Variants in SERPINA10 observed in about 807,000 individuals in gnomAD.
SERPINA10 encodes serpin family A member 10.
SERPINA10 carries 24 observed loss-of-function variants against 28.0 expected under a neutral mutation model. That is an observed-to-expected ratio of 0.86 (90% CI 0.62 to 1.20). The LOEUF (loss-of-function observed/expected upper bound fraction) is 1.20, where lower values mean the gene tolerates loss of function less well. Ranked by LOEUF, SERPINA10 falls within the 50% of genes most tolerant of loss-of-function variation. The probability of loss-of-function intolerance (pLI) is 0.00; values close to 1 mark genes in which losing one functional copy is unlikely to be tolerated. For synonymous variants in SERPINA10, 207 were observed against 203.9 expected, an observed-to-expected ratio of 1.02 and a Z score of -0.13; for missense variants, 521 against 537.7, an observed-to-expected ratio of 0.97 and a Z score of 0.31.
At chr14:94,286,801 TGAG>T (rs1334065130) in intron 3 of SERPINA10, among the ~76,000 whole-genome samples, 1 of 152,220 alleles carries the variant, frequency 6.6e-6, no homozygotes, top group African/African-American at 2.4e-5. Context: ...TAAAAATAAT[TGAG>T]GACATGACGT....
At chr14:94,284,232 C>A in intron 4 of SERPINA10, 76 bp from the exon 5 acceptor site, 1 of 1,313,000 alleles carries the variant, frequency 7.6e-7, no homozygotes, top group Non-Finnish European at 1.1e-6. Flanking sequence ...CCTTGAAATT[C>A]TTCACAGTGG....
At chr14:94,289,260 G>A (rs1329285257) in intron 2 of SERPINA10, among the ~76,000 whole-genome samples, 1 of 152,226 alleles carries the variant, frequency 6.6e-6, no homozygotes, top group Non-Finnish European at 1.5e-5. Flanking sequence ...CAGGGGGTCA[G>A]GAGGCCCTTG....
chr14:94,289,597 C>A (rs968666695), intron 2 of SERPINA10, among the ~76,000 whole-genome samples: 2 of 152,064 alleles, frequency 1.3e-5, no homozygotes, highest in Non-Finnish European at 2.9e-5. Context: ...CCCCCAGCCC[C>A]CTGTTTTTTG....
chr14:94,285,484 C>CATAT (rs749960575), intron 4 of SERPINA10, among the ~76,000 whole-genome samples: 4 of 148,324 alleles, frequency 2.7e-5, no homozygotes, highest in Middle Eastern at 7.2e-3. Context: ...TGTCTCTCTC[C>CATAT]ATATATATAT....
chr14:94,285,668 T>A (rs1245736519), intron 4 of SERPINA10, among the ~76,000 whole-genome samples: 2 of 151,920 alleles, frequency 1.3e-5, no homozygotes, highest in Admixed American at 1.3e-4. Context: ...ACTGGAAGCA[T>A]GAAGAGGAAG....
At chr14:94,289,446 T>A (rs1189093957) in intron 2 of SERPINA10, among the ~76,000 whole-genome samples, 1 of 152,252 alleles carries the variant, frequency 6.6e-6, no homozygotes, top group Admixed American at 6.5e-5. Flanking sequence ...CTGGGCACTT[T>A]ACATTCATTG....
rs1894883856 is a variant in SERPINA10, at chr14:94,280,947, G to C, written c.*3018C>G. The C allele has an allele frequency of 6.6e-6, 1 of 152,184 alleles. No homozygotes were observed. The highest frequency in any genetic ancestry group is 1.5e-5 in the Non-Finnish European group (1 of 68,034). The allele number at this position is 152,184 out of a possible 1,614,324, so 9.4% of individuals were successfully genotyped here. A position where few individuals can be genotyped will look rare whatever the true frequency, so the allele number is the denominator to read the frequency against. On this transcript the variant is annotated 3_prime_UTR_variant, in exon 5 of 5. Coordinates refer to ENST00000261994, the MANE Select transcript of SERPINA10 (RefSeq NM_001100607.3). ...AGCTTGAATATCTTAGTCTGGAGAT[G>C]AGTCAGTTTTGCCATACAATTAGTG...
At chr14:94,285,717 T>C (rs1895007548) in intron 4 of SERPINA10, among the ~76,000 whole-genome samples, 1 of 151,952 alleles carries the variant, frequency 6.6e-6, no homozygotes, top group African/African-American at 2.4e-5. Context: ...ATGGAGGGGA[T>C]TTCCACAAGG....
Position 94,286,198 on chromosome 14 carries a change from C to G in SERPINA10, c.1053G>C (p.Leu351=). 1.2e-6 allele frequency: 2 copies of G among 1,614,128 alleles called. No individual in the cohort carries two copies. Among genetic ancestry groups the G allele is most frequent in the East Asian group, 4.5e-5 (2 of 44,858 alleles). The change falls in exon 4 of 5, where the codon CTG becomes CTC. Residue 351 remains leucine (L), a synonymous_variant. Coordinates refer to ENST00000261994, the MANE Select transcript of SERPINA10 (RefSeq NM_001100607.3). ...TTCTTCTGATTCCCATCTGCCTAAG[C>G]AGCTCATGCATCTCATACTTCTGAT... The part of the protein sequence containing the change: ...KLDQKYEMHE[L]LRQMGIRRIF...
intron 2 of SERPINA10, among the ~76,000 whole-genome samples, chr14:94,288,880 G>A (rs374874700): frequency 9.2e-5 from 14 of 152,252 alleles, no homozygotes; most frequent in African/African-American, 3.4e-4. Flanking sequence ...GGACCTGAAC[G>A]GAATTCACAG....
chr14:94,290,774 G>A, intron 1 of SERPINA10, 131 bp from the exon 2 acceptor site: 6 of 964,950 alleles, frequency 6.2e-6, no homozygotes, highest in Non-Finnish European at 7.6e-6. Flanking sequence ...GGGAGACCTA[G>A]AGCAAGTGTG....
intron 1 of SERPINA10, among the ~76,000 whole-genome samples, chr14:94,291,730 T>C (rs1895182430): frequency 6.6e-6 from 1 of 152,196 alleles, no homozygotes; most frequent in Non-Finnish European, 1.5e-5. Context: ...CAGAGACCCT[T>C]ATTCTTGACC....
In SERPINA10 at chr14:94,290,533, CG is replaced by C. The variant is rs1418077589; in HGVS notation, c.60del (p.Gly21AlafsTer21). The C allele has an allele frequency of 2.5e-6, 4 of 1,612,700 alleles. No individual in the cohort carries two copies. Among genetic ancestry groups the C allele is most frequent in the Non-Finnish European group, 3.4e-6 (4 of 1,179,664 alleles). ...GGCGACTGAGGACTGGGGGCCAAGC[CG>C]GGTACCAGCCACACCTGTGCCAGGA... ...SVLLAQVWLV[P>X]GLAPSPQSPE... On this transcript the variant is annotated frameshift_variant, in exon 2 of 5. Transcript: ENST00000261994. LOFTEE classifies it high-confidence loss of function.
At chr14:94,288,703 T>C in intron 2 of SERPINA10, 144 bp from the exon 3 acceptor site, 2 of 1,174,852 alleles carry the variant, frequency 1.7e-6, no homozygotes, top group Non-Finnish European at 2.4e-6. Context: ...GTTCCCTAAT[T>C]GGGTTGGCTT....
chr14:94,292,927 G>T (rs1895215542), intron 1 of SERPINA10: 1 of 506,016 alleles, frequency 2.0e-6, no homozygotes, highest in African/African-American at 1.9e-5. Context: ...AGTGAGTGGT[G>T]GTGGGTGAAA....
In SERPINA10 at chr14:94,288,525, G is replaced by A. The variant is rs1566718798; in HGVS notation, c.753C>T (p.Thr251=). ...KWLTPFDPVF[T]EVDTFHLDKY... is the part of the protein sequence containing the mutation. ...TGTCCAGGTGGAAAGTGTCGACTTC[G>A]GTGAAGACAGGGTCAAATGGGGTCA... is the stretch of plus-strand genomic sequence containing the variant. Residue 251 remains threonine (T), a synonymous_variant, in exon 3 of 5, where the codon ACC becomes ACT. Transcript: ENST00000261994. The A allele has an allele frequency of 1.2e-5, 20 of 1,614,136 alleles. No individual in the cohort carries two copies. The highest frequency in any genetic ancestry group is 1.5e-5 in the Non-Finnish European group (18 of 1,180,022).
intron 1 of SERPINA10, among the ~76,000 whole-genome samples, chr14:94,292,420 A>C (rs980536956): frequency 1.3e-5 from 2 of 152,082 alleles, no homozygotes; most frequent in African/African-American, 4.8e-5. Context: ...TGTTGGAGCC[A>C]CCCAGCCTGT....
intron 1 of SERPINA10, among the ~76,000 whole-genome samples, chr14:94,291,023 A>G (rs1409078728): frequency 6.6e-6 from 1 of 152,142 alleles, no homozygotes; most frequent in Admixed American, 6.5e-5. Flanking sequence ...GATCTGCTTC[A>G]TTCACTGCCC....
rs772276540 is a variant in SERPINA10 at position 94,290,319 on chromosome 14, A to C, written c.275T>G (p.Met92Arg). ...GAAGACCATGTTGCCATCGTGCCTC[A>C]TGGAGATCTTTCGCAGCAGGCTGAA... Reference protein sequence around the residue: ...FGFSLLRKISMRHDGNMVFSP... With the variant: ...FGFSLLRKISRRHDGNMVFSP... The change falls in exon 2 of 5, where the codon ATG (methionine) becomes AGG (arginine). Residue 92 changes from methionine to arginine, a missense_variant. Physicochemically the swap from Met to Arg is moderately conservative, Grantham distance 91 (BLOSUM62 -1). Coordinates refer to ENST00000261994, the MANE Select transcript of SERPINA10 (RefSeq NM_001100607.3). The C allele has an allele frequency of 4.3e-6, 7 of 1,614,128 alleles. No individual in the cohort carries two copies. The African/African-American group carries it at 6.7e-5, about 15-fold the overall frequency.
Sources: allele counts gnomAD v4.1 joint callset (sites outside exome capture counted in the v4.1 genomes callset), GRCh38; gene constraint gnomAD v4.1.1; transcripts MANE v1.5; gene names NCBI Gene and HGNC (gene_info 2026-07-23, HGNC 2026-07-21).